Variants in OR1M1 observed in about 807,000 individuals in gnomAD.
The protein encoded by OR1M1 is olfactory receptor family 1 subfamily M member 1.
For missense variants in OR1M1, 397 were observed against 401.8 expected, an observed-to-expected ratio of 0.99 and a Z score of 0.10; for synonymous variants, 157 against 165.5, an observed-to-expected ratio of 0.95 and a Z score of 0.39.
In OR1M1 at chr19:9,093,438, A is replaced by G. The variant is rs146210095; in HGVS notation, c.194A>G (p.Asn65Ser). 7 of 1,613,808 alleles carry G rather than the reference A, an allele frequency of 4.3e-6. No homozygotes were observed. Among genetic ancestry groups the G allele is most frequent in the South Asian group, 1.1e-5 (1 of 91,068 alleles). The change falls in exon 2 of 2, where the codon AAC (asparagine) becomes AGC (serine). Residue 65 changes from asparagine (N) to serine (S), a missense_variant. Physicochemically the swap from Asn to Ser is conservative, Grantham distance 46 (BLOSUM62 1). Transcript: ENST00000641627. The part of the protein sequence containing the change: ...LHTPMYFFLA[N>S]LSLVDFCLAT... ...ACCCCCATGTACTTCTTCCTGGCCAACCTGTCCCTGGTTGATTTCTGTCTG... is the reference window on the plus strand; with the variant it reads ...ACCCCCATGTACTTCTTCCTGGCCAGCCTGTCCCTGGTTGATTTCTGTCTG...
At chr19:9,089,371 T>G (rs1179375926) in intron 1 of OR1M1, among the ~76,000 whole-genome samples, 4 of 151,930 alleles carry the variant, frequency 2.6e-5, no homozygotes, top group African/African-American at 7.3e-5. Flanking sequence ...AATGACAAGA[T>G]CTCCTTCATT....
chr19:9,093,109 C>CATATAT (rs1555707937), intron 1 of OR1M1, 123 bp from the exon 2 acceptor site: 22 of 492,258 alleles, frequency 4.5e-5, no homozygotes, highest in African/African-American at 4.4e-4. Flanking sequence ...CACACACACA[C>CATATAT]ATATATATAT....
intron 1 of OR1M1, among the ~76,000 whole-genome samples, chr19:9,087,830 T>C (rs1201637009): frequency 6.6e-6 from 1 of 152,114 alleles, no homozygotes; most frequent in East Asian, 1.9e-4. Flanking sequence ...CCTGGTTTAG[T>C]TGTGATGCTA....
chr19:9,088,231 C>G (rs902509267), intron 1 of OR1M1, among the ~76,000 whole-genome samples: 1 of 152,148 alleles, frequency 6.6e-6, no homozygotes, highest in Non-Finnish European at 1.5e-5. Flanking sequence ...CCTGAAGGAA[C>G]AGATGGCTTC....
chr19:9,093,752 G>A lies in OR1M1; in HGVS notation c.508G>A (p.Gly170Ser), dbSNP rs148343734. The A allele has an allele frequency of 6.4e-4, 1,038 of 1,613,830 alleles. 2 individuals carry two copies. Among genetic ancestry groups the A allele is most frequent in the African/African-American group, 3.8e-3 (284 of 75,026 alleles). ...ILLMARLVFC[G>S]SHEVPHYFCD... ...CCTGATGGCCCGTCTCGTTTTCTGC[G>A]GCAGCCATGAGGTGCCTCACTACTT... Residue 170 changes from glycine (G) to serine (S), a missense_variant, in exon 2 of 2, where the codon GGC becomes AGC. Gly to Ser is a moderately conservative substitution (Grantham distance 56). Transcript: ENST00000641627.
chr19:9,090,214 C>T (rs927811076), intron 1 of OR1M1, among the ~76,000 whole-genome samples: 5 of 152,104 alleles, frequency 3.3e-5, no homozygotes, highest in African/African-American at 1.2e-4. Flanking sequence ...CAAACAATTC[C>T]TGATTTCAAA....
At chr19:9,092,378 A>G (rs12462873) in intron 1 of OR1M1, among the ~76,000 whole-genome samples, 128,981 of 151,942 alleles carry the variant, frequency 0.85, 55,098 homozygotes, top group East Asian at 0.94. Flanking sequence ...AGGATCACTC[A>G]AGCTCAGGAA....
At position 9,088,683 on chromosome 19, in the gene OR1M1, C is replaced by T. The variant is rs567522973; in HGVS notation, c.-14+1526C>T. On this transcript the variant is annotated intron_variant, in intron 1 of 1. Coordinates refer to ENST00000641627, the MANE Select transcript of OR1M1 (RefSeq NM_001004456.2). Reference sequence around the variant, plus strand: ...GGCGGATCACCTGTGGTCAGGAGTTCAAGACCAGCCTGGCCAGCATGGTGA... The same window carrying T: ...GGCGGATCACCTGTGGTCAGGAGTTTAAGACCAGCCTGGCCAGCATGGTGA... 3.3e-5 allele frequency among the ~76,000 whole-genome samples: 5 copies of T among 152,108 alleles called. No homozygotes were observed. In the South Asian group the frequency reaches 8.3e-4, roughly 25 times the overall value.
chr19:9,091,523 G>A (rs1193133222), intron 1 of OR1M1, among the ~76,000 whole-genome samples: 1 of 152,112 alleles, frequency 6.6e-6, no homozygotes, highest in Non-Finnish European at 1.5e-5. Context: ...GCTGGGCATG[G>A]TGGCGTGCTC....
Position 9,093,840 on chromosome 19 carries a change from T to G in OR1M1, c.596T>G (p.Ile199Ser). ...GACACCTCTGTGAATAGGATCTTCA[T>G]CCTCATTGTGGCAGGGATGGTGATA... ...CTDTSVNRIF[I>S]LIVAGMVIAT... Residue 199 changes from isoleucine (I) to serine (S), a missense_variant, in exon 2 of 2, where the codon ATC (isoleucine) becomes AGC (serine). Transcript: ENST00000641627. 6.2e-7 allele frequency: 1 copy of G among 1,614,110 alleles called. No homozygotes were observed. The highest frequency in any genetic ancestry group is 1.7e-5 in the Admixed American group (1 of 60,014).
At chr19:9,091,326 T>C (rs970252889) in intron 1 of OR1M1, among the ~76,000 whole-genome samples, 19 of 151,982 alleles carry the variant, frequency 1.3e-4, no homozygotes, top group African/African-American at 4.6e-4. Context: ...CCATTTCTTT[T>C]TTTTTTTTTA....
intron 1 of OR1M1, among the ~76,000 whole-genome samples, chr19:9,092,379 A>C (rs1169478200): frequency 2.0e-5 from 3 of 151,926 alleles, no homozygotes; most frequent in Non-Finnish European, 4.4e-5. Context: ...GGATCACTCA[A>C]GCTCAGGAAT....
intron 1 of OR1M1, 28 bp from the exon 2 acceptor site, chr19:9,093,204 C>T (rs2050303970): frequency 2.1e-6 from 3 of 1,437,500 alleles, no homozygotes; most frequent in Admixed American, 4.0e-5. Context: ...CCTGTCATTC[C>T]TATAACCTCC....
At chr19:9,090,861 A>G (rs2050288297) in intron 1 of OR1M1, among the ~76,000 whole-genome samples, 1 of 151,848 alleles carries the variant, frequency 6.6e-6, no homozygotes, top group South Asian at 2.1e-4. Context: ...ATGACTGGAA[A>G]TGACTATAAA....
chr19:9,087,956 T>C (rs2050273168), intron 1 of OR1M1, among the ~76,000 whole-genome samples: 1 of 151,942 alleles, frequency 6.6e-6, no homozygotes, highest in African/African-American at 2.4e-5. Context: ...AGTGGCATGA[T>C]CTTGGCTCAC....
rs911790322 is a variant in OR1M1 at position 9,093,506 on chromosome 19, G to C, written c.262G>C (p.Gly88Arg). ...TAAGATGCTGGTGAGCCTTCAAACC[G>C]GGAGCAAGGCCATCTCTTATCCCTG... is the stretch of plus-strand genomic sequence containing the variant. ...IPKMLVSLQTGSKAISYPCCL... is the reference protein window; with the variant it reads ...IPKMLVSLQTRSKAISYPCCL... The change falls in exon 2 of 2, where the codon GGG (glycine) becomes CGG (arginine). Residue 88 changes from glycine to arginine, a missense_variant. Gly to Arg is a moderately radical substitution (Grantham distance 125). Coordinates refer to ENST00000641627, the MANE Select transcript of OR1M1 (RefSeq NM_001004456.2). 1 of 1,614,088 alleles carries C rather than the reference G, an allele frequency of 6.2e-7. No individual in the cohort carries two copies. The highest frequency in any genetic ancestry group is 2.2e-5 in the East Asian group (1 of 44,862).
At chr19:9,089,614 G>A (rs149031248) in intron 1 of OR1M1, among the ~76,000 whole-genome samples, 7 of 151,982 alleles carry the variant, frequency 4.6e-5, no homozygotes, top group South Asian at 2.1e-4. Context: ...TAGTAGAGAC[G>A]GGGTTTCACC....
chr19:9,090,658 T>C (rs571179389), intron 1 of OR1M1, among the ~76,000 whole-genome samples: 43 of 151,758 alleles, frequency 2.8e-4, no homozygotes, highest in African/African-American at 9.9e-4. Context: ...AGACTTGAAC[T>C]CCCGACCTCA....
rs751076934 is a variant in OR1M1, at chr19:9,094,743, C to G, written c.*557C>G. 1.3e-5 allele frequency: 2 copies of G among 152,384 alleles called. No homozygotes were observed. Among genetic ancestry groups the G allele is most frequent in the East Asian group, 3.9e-4 (2 of 5,174 alleles). 9.4% of individuals were successfully genotyped at this position (152,384 alleles called of 1,614,324 possible). A position where few individuals can be genotyped will look rare whatever the true frequency, so the allele number is the denominator to read the frequency against. ...TTTGTACAGACAGGGTTTTGCCATACTACCCAGCCGCAGAAGTTTCACGGG... is the reference window on the plus strand; with the variant it reads ...TTTGTACAGACAGGGTTTTGCCATAGTACCCAGCCGCAGAAGTTTCACGGG... On this transcript the variant is annotated 3_prime_UTR_variant, in exon 2 of 2. Coordinates refer to ENST00000641627, the MANE Select transcript of OR1M1 (RefSeq NM_001004456.2).
Sources: gnomAD v4.1 joint callset for allele counts (sites outside exome capture counted in the v4.1 genomes callset) on GRCh38, gnomAD v4.1.1 for gene constraint, MANE v1.5 for transcripts, NCBI Gene and HGNC (gene_info 2026-07-23, HGNC 2026-07-21) for gene names.